CAMK4: variants seen among roughly 807,000 people sequenced by gnomAD.
CAMK4 encodes calcium/calmodulin-dependent protein kinase type IV.
A neutral mutation model predicts 44.9 loss-of-function variants in CAMK4; 22 were observed. The ratio of observed to expected loss-of-function variants is 0.49; its 90% confidence interval spans 0.35 to 0.70. The LOEUF is 0.70. CAMK4 is among the 30% of genes least tolerant of loss of function. The probability of loss-of-function intolerance (pLI) is 0.01; values close to 1 mark genes in which losing one functional copy is unlikely to be tolerated. For synonymous variants in CAMK4, 218 were observed against 215.4 expected (o/e 1.01, Z -0.11); for missense variants, 498 against 586.8 (o/e 0.85, Z 1.56).
rs1454777583 is a variant in CAMK4, at chr5:111,484,287, A to G, written c.1243A>G (p.Lys415Glu). The G allele has an allele frequency of 6.2e-7, 1 of 1,614,068 alleles. No homozygotes were observed. ...GADINAEEAPKMVPKAVEDGI... is the reference protein window; with the variant it reads ...GADINAEEAPEMVPKAVEDGI... ...AGATATAAATGCTGAAGAGGCCCCC[A>G]AAATGGTGCCCAAGGCAGTGGAGGA... Residue 415 changes from lysine to glutamate, a missense_variant, in exon 11 of 11, where the codon AAA (lysine) becomes GAA (glutamate). Transcript: ENST00000282356. The surrounding 1 kb of genome is among the most constrained non-coding windows in gnomAD (Gnocchi z 5.3).
At chr5:111,458,059 A>C (rs2042152) in intron 7 of CAMK4, among the ~76,000 whole-genome samples, 50,288 of 152,084 alleles carry the variant, frequency 0.33, 10,147 homozygotes, top group Middle Eastern at 0.49. Context: ...GGGGAGAGGA[A>C]GTGAGGCAGA....
chr5:111,224,738 C>T lies in CAMK4; in HGVS notation c.161+94C>T. 1 of 1,230,948 alleles carries T rather than the reference C, an allele frequency of 8.1e-7. No individual in the cohort carries two copies. The highest frequency in any genetic ancestry group is 1.1e-6 in the Non-Finnish European group (1 of 888,332). The allele number at this position is 1,230,948 out of a possible 1,614,324, so 76.3% of individuals were successfully genotyped here. ...CTCGGAGGGTGCGGGAGCCTGCCTT[C>T]GTGCCCTTCGATTTCTCCCTACCTA... On this transcript the variant is annotated intron_variant, in intron 1 of 10. Transcript: ENST00000282356. This position sits in a 1 kb window ranked among gnomAD's most constrained non-coding sequence, Gnocchi z 5.7.
chr5:111,351,631 C>T (rs1750110435), intron 2 of CAMK4, among the ~76,000 whole-genome samples: 1 of 151,608 alleles, frequency 6.6e-6, no homozygotes. Context: ...AGACTGGTCT[C>T]GAACTCCTGA....
intron 1 of CAMK4, among the ~76,000 whole-genome samples, chr5:111,247,411 T>G: frequency 6.8e-6 from 1 of 147,852 alleles, no homozygotes; most frequent in Non-Finnish European, 1.5e-5. Context: ...ATATATAAAT[T>G]TATGTATATT....
intron 1 of CAMK4, among the ~76,000 whole-genome samples, chr5:111,330,240 A>T (rs1749106713): frequency 1.3e-5 from 2 of 151,666 alleles, no homozygotes; most frequent in Admixed American, 6.6e-5. Flanking sequence ...CTACAATATT[A>T]TTATAATTAC....
Position 111,419,371 on chromosome 5 carries a change from A to C in CAMK4, c.459+24589A>C, listed in dbSNP as rs1445890902. On this transcript the variant is annotated intron_variant, in intron 5 of 10. Coordinates refer to ENST00000282356, the MANE Select transcript of CAMK4 (RefSeq NM_001744.6). Reference sequence around the variant, plus strand: ...CTTTGTCAGATGAGTAGGTTGTGAAAATTTTCTCCCATTTCGTAGGTTGCC... The same window carrying C: ...CTTTGTCAGATGAGTAGGTTGTGAACATTTTCTCCCATTTCGTAGGTTGCC... Among the ~76,000 whole-genome samples, 24 of 152,050 alleles carry C rather than the reference A, an allele frequency of 1.6e-4. No individual in the cohort carries two copies. The East Asian group carries it at 4.3e-3, about 27-fold the overall frequency.
intron 8 of CAMK4, among the ~76,000 whole-genome samples, chr5:111,476,524 G>A (rs989255152): frequency 6.6e-6 from 1 of 151,994 alleles, no homozygotes; most frequent in Non-Finnish European, 1.5e-5. Context: ...TGTTCCACCT[G>A]CCTCAGCCTC....
intron 1 of CAMK4, chr5:111,302,569 T>TC (rs1229046360): frequency 9.8e-5 from 8 of 81,944 alleles, no homozygotes; most frequent in Admixed American, 4.0e-4. Context: ...CGAGACTATA[T>TC]CCCACACCTG....
intron 1 of CAMK4, among the ~76,000 whole-genome samples, chr5:111,337,667 G>T (rs1749464058): frequency 6.6e-6 from 1 of 151,086 alleles, no homozygotes; most frequent in Non-Finnish European, 1.5e-5. Context: ...GAACAAAGAG[G>T]TTGGAGGTTG....
At chr5:111,267,548 C>CA (rs1242149007) in intron 1 of CAMK4, among the ~76,000 whole-genome samples, 5 of 151,732 alleles carry the variant, frequency 3.3e-5, no homozygotes, top group Non-Finnish European at 7.4e-5. Context: ...ACTAAAAATA[C>CA]AAAAAATTAG....
chr5:111,351,490 C>G (rs1445587520), intron 2 of CAMK4, among the ~76,000 whole-genome samples: 1 of 151,634 alleles, frequency 6.6e-6, no homozygotes, highest in African/African-American at 2.4e-5. Flanking sequence ...ACTGCAACCT[C>G]TGCCTCCCAG....
chr5:111,308,812 T>G (rs570096259), intron 1 of CAMK4, among the ~76,000 whole-genome samples: 1 of 152,348 alleles, frequency 6.6e-6, no homozygotes, highest in Admixed American at 6.5e-5. Flanking sequence ...TTATTTATTT[T>G]GAAGTAAAGG....
At chr5:111,356,409 T>C (rs1750356675) in intron 2 of CAMK4, among the ~76,000 whole-genome samples, 1 of 152,258 alleles carries the variant, frequency 6.6e-6, no homozygotes, top group African/African-American at 2.4e-5. Flanking sequence ...ATTAGCCCTT[T>C]GTCAGATGAG....
chr5:111,270,426 C>G (rs1750458592), intron 1 of CAMK4, among the ~76,000 whole-genome samples: 1 of 152,172 alleles, frequency 6.6e-6, no homozygotes, highest in South Asian at 2.1e-4. Flanking sequence ...GCCTCTGGAA[C>G]CTTCAACTCC....
chr5:111,370,416 T>C lies in CAMK4; in HGVS notation c.241-4434T>C, dbSNP rs184655104. On this transcript the variant is annotated intron_variant, in intron 2 of 10. Transcript: ENST00000282356. The stretch of plus-strand genomic sequence containing the variant: ...ATATAAATATATAATGTGAAAAAAT[T>C]AAAGGATTCTACTATCACACTTTAC... Among the ~76,000 whole-genome samples, 54 of 152,252 alleles carry C rather than the reference T, an allele frequency of 3.5e-4. No individual in the cohort carries two copies. In the East Asian group the frequency reaches 6.2e-3, roughly 17 times the overall value.
chr5:111,305,135 G>A (rs1580558615), intron 1 of CAMK4, among the ~76,000 whole-genome samples: 1 of 113,682 alleles, frequency 8.8e-6, no homozygotes, highest in East Asian at 2.7e-4. Context: ...ACGCCTACAA[G>A]AGAAAGCAGG....
Position 111,486,686 on chromosome 5 carries a change from T to C in CAMK4, c.*2220T>C, listed in dbSNP as rs1169303126. 6.6e-6 allele frequency: 1 copy of C among 152,018 alleles called. No homozygotes were observed. Among genetic ancestry groups the C allele is most frequent in the Non-Finnish European group, 1.5e-5 (1 of 68,000 alleles). The allele number at this position is 152,018 out of a possible 1,614,324, so 9.4% of individuals were successfully genotyped here. A position where few individuals can be genotyped will look rare whatever the true frequency, so the allele number is the denominator to read the frequency against. ...TTGTTACATTATTTCAACACTAGAG[T>C]AGGGCGGACTGCATTGTTTGGCCCT... On this transcript the variant is annotated 3_prime_UTR_variant, in exon 11 of 11. Transcript: ENST00000282356.
chr5:111,368,159 C>T (rs577334024), intron 2 of CAMK4, among the ~76,000 whole-genome samples: 12 of 152,112 alleles, frequency 7.9e-5, no homozygotes, highest in African/African-American at 2.9e-4. Context: ...TTTGTAGATA[C>T]TAAAGGTATG....
At chr5:111,463,841 A>G (rs1754727508) in intron 7 of CAMK4, among the ~76,000 whole-genome samples, 1 of 152,210 alleles carries the variant, frequency 6.6e-6, no homozygotes, top group African/African-American at 2.4e-5. Context: ...GAATCAGAAT[A>G]GCAGCCTTTT....
Sources: allele counts gnomAD v4.1 joint callset (sites outside exome capture counted in the v4.1 genomes callset), GRCh38; gene constraint gnomAD v4.1.1; non-coding constraint Gnocchi (gnomAD v3.1); transcripts MANE v1.5; gene names NCBI Gene and HGNC (gene_info 2026-07-23, HGNC 2026-07-21).